NLK: variants seen among roughly 807,000 people sequenced by gnomAD.
The protein encoded by NLK is serine/threonine-protein kinase NLK.
A neutral mutation model predicts 59.0 loss-of-function variants in NLK; 11 were observed. That is an observed-to-expected ratio of 0.19 (90% CI 0.12 to 0.31). The LOEUF (loss-of-function observed/expected upper bound fraction) is 0.31, where lower values mean the gene tolerates loss of function less well. NLK is among the 10% of genes least tolerant of loss of function. The pLI is 1.00. For missense variants in NLK, 410 were observed against 661.1 expected (o/e 0.62, Z 4.16); for synonymous variants, 235 against 235.9 (o/e 1.00, Z 0.03).
chr17:28,111,608 T>A (rs1436423971), intron 1 of NLK, among the ~76,000 whole-genome samples: 1 of 152,204 alleles, frequency 6.6e-6, no homozygotes, highest in Admixed American at 6.5e-5. Flanking sequence ...GGTTCTGATT[T>A]TCCTCACCTC....
chr17:28,071,567 A>G (rs1910008966), intron 1 of NLK, among the ~76,000 whole-genome samples: 1 of 151,706 alleles, frequency 6.6e-6, no homozygotes, highest in Non-Finnish European at 1.5e-5. Context: ...ATCACTAAGT[A>G]TTTAATATTT....
At position 28,192,166 on chromosome 17, in the gene NLK, G is replaced by A; in HGVS notation, c.1482G>A (p.Val494=). 6.2e-7 allele frequency: 1 copy of A among 1,609,784 alleles called. No individual in the cohort carries two copies. Among genetic ancestry groups the A allele is most frequent in the Non-Finnish European group, 8.5e-7 (1 of 1,177,284 alleles). The change falls in exon 10 of 11, where the codon GTG becomes GTA. Residue 494 remains valine (V), a synonymous_variant. Transcript: ENST00000407008. ...FILEQQKGNR[V]PLCINPQSAA... ...TGGAACAGCAGAAAGGAAACAGAGT[G>A]CCTCTCTGCATCAACCCTCAGTCTG...
At chr17:28,096,300 C>G (rs1462043443) in intron 1 of NLK, among the ~76,000 whole-genome samples, 1 of 151,990 alleles carries the variant, frequency 6.6e-6, no homozygotes, top group African/African-American at 2.4e-5. Flanking sequence ...TATAATTTTA[C>G]ACAAGAAAAA....
chr17:28,143,304 A>G (rs1907092258), intron 3 of NLK, among the ~76,000 whole-genome samples: 1 of 152,188 alleles, frequency 6.6e-6, no homozygotes, highest in South Asian at 2.1e-4. Flanking sequence ...GGCCTCCCAA[A>G]GTGCTGGAAT....
intron 3 of NLK, among the ~76,000 whole-genome samples, chr17:28,140,804 C>G (rs968700948): frequency 1.3e-5 from 2 of 151,354 alleles, no homozygotes; most frequent in Admixed American, 6.6e-5. Flanking sequence ...CCCCACCCCC[C>G]AAAAAAGAGC....
At chr17:28,190,993 G>A (rs1020857085) in intron 8 of NLK, 28 bp from the exon 9 acceptor site, 3 of 1,513,088 alleles carry the variant, frequency 2.0e-6, no homozygotes, top group African/African-American at 2.8e-5. Context: ...CTGTAGTGTT[G>A]ATGTGCTGGT....
chr17:28,201,506 C>T, the NLK span, among the ~76,000 whole-genome samples: 9 of 149,866 alleles, frequency 6.0e-5, no homozygotes, highest in South Asian at 6.4e-4. Context: ...ATTGCATCAC[C>T]GCACTTCAGC....
intron 8 of NLK, among the ~76,000 whole-genome samples, chr17:28,188,224 A>G (rs913925657): frequency 6.6e-6 from 1 of 152,174 alleles, no homozygotes; most frequent in Non-Finnish European, 1.5e-5. Flanking sequence ...AAAAAGAAAG[A>G]AATTAATTTA....
At chr17:28,116,383 C>A in intron 1 of NLK, 1 of 195,138 alleles carries the variant, frequency 5.1e-6, no homozygotes, top group South Asian at 1.0e-4. Flanking sequence ...ATGGGTGGCT[C>A]TAGTAGAGCT....
At chr17:28,198,921 G>A (rs1215134779), downstream of NLK, among the ~76,000 whole-genome samples, 2 of 152,166 alleles carry the variant, frequency 1.3e-5, no homozygotes, top group Non-Finnish European at 2.9e-5. Flanking sequence ...TACTGGGACT[G>A]GTGGTATTTT....
chr17:28,184,104 G>A (rs1231904303), intron 7 of NLK, among the ~76,000 whole-genome samples: 2 of 152,164 alleles, frequency 1.3e-5, no homozygotes, highest in African/African-American at 4.8e-5. Context: ...ATGGCCATGT[G>A]GATATGCCTA....
intron 2 of NLK, among the ~76,000 whole-genome samples, chr17:28,125,019 G>C (rs1006707249): frequency 6.6e-6 from 1 of 152,008 alleles, no homozygotes; most frequent in Non-Finnish European, 1.5e-5. Context: ...CTGCACTCCA[G>C]CCTGGGCACA....
chr17:28,142,347 G>A (rs10512429), intron 3 of NLK, among the ~76,000 whole-genome samples: 10,311 of 152,138 alleles, frequency 0.068, 482 homozygotes, highest in Non-Finnish European at 0.1. Flanking sequence ...AGAGATTGTC[G>A]TATTCAAACG....
At chr17:28,073,390 T>C (rs1372222775) in intron 1 of NLK, among the ~76,000 whole-genome samples, 2 of 152,162 alleles carry the variant, frequency 1.3e-5, no homozygotes, top group Non-Finnish European at 2.9e-5. Context: ...AACCTAGGCT[T>C]TTGTCCACCG....
At chr17:28,202,884 A>G in the NLK span, among the ~76,000 whole-genome samples, 3 of 151,476 alleles carry the variant, frequency 2.0e-5, no homozygotes, top group African/African-American at 7.3e-5. Flanking sequence ...GGGTTTCGCC[A>G]TGTTGGCCAG....
At chr17:28,084,797 C>G (rs1195380059) in intron 1 of NLK, among the ~76,000 whole-genome samples, 1 of 152,218 alleles carries the variant, frequency 6.6e-6, no homozygotes, top group Non-Finnish European at 1.5e-5. Flanking sequence ...CTCCTAACCT[C>G]ATGATCTGCC....
At chr17:28,156,172 TAGTATATA>T (rs1907705967) in intron 3 of NLK, among the ~76,000 whole-genome samples, 2 of 152,156 alleles carry the variant, frequency 1.3e-5, no homozygotes, top group African/African-American at 4.8e-5. Flanking sequence ...TAAGAGCCAG[TAGTATATA>T]AGTATATAAC....
At chr17:28,205,493 G>C in the NLK span, among the ~76,000 whole-genome samples, 1 of 152,140 alleles carries the variant, frequency 6.6e-6, no homozygotes, top group Admixed American at 6.6e-5. Flanking sequence ...ATCTCATCTT[G>C]GGGAGCACCA....
chr17:28,147,515 A>G (rs1346313993), intron 3 of NLK, among the ~76,000 whole-genome samples: 1 of 152,176 alleles, frequency 6.6e-6, no homozygotes, highest in Non-Finnish European at 1.5e-5. Context: ...ATCTGCTTTA[A>G]TTGGAGCAAG....
Sources: gnomAD v4.1 joint callset for allele counts (sites outside exome capture counted in the v4.1 genomes callset) on GRCh38, gnomAD v4.1.1 for gene constraint, MANE v1.5 for transcripts, NCBI Gene and HGNC (gene_info 2026-07-23, HGNC 2026-07-21) for gene names.